ADAM18: variants seen among roughly 807,000 people sequenced by gnomAD.
ADAM18 encodes the protein disintegrin and metalloproteinase domain-containing protein 18.
Under a neutral mutation model 94.4 loss-of-function variants are expected in ADAM18, and 117 were observed. That is an observed-to-expected ratio of 1.24 (90% confidence interval 1.07 to 1.45). The LOEUF (loss-of-function observed/expected upper bound fraction) is 1.45, where lower values mean the gene tolerates loss of function less well. Ranked by LOEUF, ADAM18 falls within the 40% of genes most tolerant of loss-of-function variation. The probability of loss-of-function intolerance (pLI) is 0.00; values close to 1 mark genes in which losing one functional copy is unlikely to be tolerated. For synonymous variants in ADAM18, 327 were observed against 291.6 expected (o/e 1.12, Z -1.24); for missense variants, 936 against 880.0 (o/e 1.06, Z -0.81).
At chr8:39,711,315 A>G (rs1262200710) in intron 18 of ADAM18, among the ~76,000 whole-genome samples, 1 of 152,180 alleles carries the variant, frequency 6.6e-6, no homozygotes, top group Non-Finnish European at 1.5e-5. Flanking sequence ...TTTCCTTGTT[A>G]TGACAGTCAA....
chr8:39,725,416 TAC>T (rs992196937), intron 19 of ADAM18, among the ~76,000 whole-genome samples: 2 of 152,116 alleles, frequency 1.3e-5, no homozygotes, highest in African/African-American at 4.8e-5. Context: ...TAGCTATAGG[TAC>T]TGTGGTGTAT....
At chr8:39,653,039 GAT>G (rs1820579991) in intron 12 of ADAM18, among the ~76,000 whole-genome samples, 2 of 152,174 alleles carry the variant, frequency 1.3e-5, no homozygotes, top group Non-Finnish European at 2.9e-5. Context: ...AAACTGGGGT[GAT>G]GGTGGTCAAA....
In ADAM18 at chr8:39,609,102, T is replaced by G; in HGVS notation, c.249T>G (p.Ser83=). ...YTYNETGSLH[S]VSPYFMMHCH... Reference sequence around the variant, plus strand: ...ATAATGAAACTGGATCTTTGCATTCTGTGTCTCCATATTTTATGGTAAAGT... The same window carrying G: ...ATAATGAAACTGGATCTTTGCATTCGGTGTCTCCATATTTTATGGTAAAGT... The change falls in exon 4 of 20, where the codon TCT becomes TCG. Residue 83 remains serine, a synonymous_variant. Transcript: ENST00000265707. 1 of 1,589,118 alleles carries G rather than the reference T, an allele frequency of 6.3e-7. No homozygotes were observed. Among genetic ancestry groups the G allele is most frequent in the African/African-American group, 1.4e-5 (1 of 74,000 alleles).
At chr8:39,712,471 G>C (rs956960324) in intron 18 of ADAM18, among the ~76,000 whole-genome samples, 2 of 152,110 alleles carry the variant, frequency 1.3e-5, no homozygotes, top group African/African-American at 2.4e-5. Context: ...AGAAATAAAG[G>C]GTATTCAATT....
intron 12 of ADAM18, among the ~76,000 whole-genome samples, chr8:39,650,016 T>C (rs1227506642): frequency 1.3e-5 from 2 of 152,190 alleles, no homozygotes; most frequent in Non-Finnish European, 2.9e-5. Flanking sequence ...ACAGATACTA[T>C]ATGACAAGCA....
chr8:39,595,526 GGATTCACTCCAGGA>G (rs1261423562), intron 2 of ADAM18, among the ~76,000 whole-genome samples: 1 of 152,008 alleles, frequency 6.6e-6, no homozygotes, highest in Admixed American at 6.6e-5. Context: ...CACTCTGGCT[GGATTCACTCCAGGA>G]GATTCACTCT....
At chr8:39,654,005 T>G (rs538406578) in intron 12 of ADAM18, among the ~76,000 whole-genome samples, 11 of 151,684 alleles carry the variant, frequency 7.3e-5, no homozygotes, top group African/African-American at 2.7e-4. Context: ...TAACAACCAT[T>G]CTACTCTCTG....
intron 12 of ADAM18, among the ~76,000 whole-genome samples, chr8:39,653,164 A>G (rs1035837024): frequency 6.6e-6 from 1 of 152,168 alleles, no homozygotes; most frequent in South Asian, 2.1e-4. Context: ...TGTTTTTACC[A>G]CAAAATAATC....
chr8:39,722,625 T>A (rs887561546), intron 18 of ADAM18, among the ~76,000 whole-genome samples: 3 of 151,542 alleles, frequency 2.0e-5, no homozygotes, highest in Non-Finnish European at 4.4e-5. Context: ...ACTTCACCAC[T>A]GCACAATATA....
chr8:39,630,231 T>C (rs1458733156), intron 7 of ADAM18, among the ~76,000 whole-genome samples: 1 of 151,728 alleles, frequency 6.6e-6, no homozygotes, highest in East Asian at 1.9e-4. Flanking sequence ...TTTTTAAAAT[T>C]AGTACTATTA....
chr8:39,670,974 C>G lies in ADAM18; in HGVS notation c.1525+2778C>G, dbSNP rs1393997463. Reference sequence around the variant, plus strand: ...CAGGTTATTTATACCACACAGCTACCTATTAGTCTGTTCAAGAACTTGTTG... The same window carrying G: ...CAGGTTATTTATACCACACAGCTACGTATTAGTCTGTTCAAGAACTTGTTG... On this transcript the variant is annotated intron_variant, in intron 14 of 19. Transcript: ENST00000265707. Among the ~76,000 whole-genome samples, 4 of 152,232 alleles carry G rather than the reference C, an allele frequency of 2.6e-5. No homozygotes were observed. In the East Asian group the frequency reaches 7.7e-4, roughly 29 times the overall value.
At chr8:39,628,717 A>C (rs1444305531) in intron 6 of ADAM18, among the ~76,000 whole-genome samples, 1 of 152,052 alleles carries the variant, frequency 6.6e-6, no homozygotes, top group African/African-American at 2.4e-5. Context: ...GTTAGAAATA[A>C]AGCTCATGTA....
chr8:39,596,647 T>G (rs529853301), intron 2 of ADAM18, among the ~76,000 whole-genome samples: 6 of 152,218 alleles, frequency 3.9e-5, no homozygotes, highest in Non-Finnish European at 4.4e-5. Context: ...TCTGTATAGA[T>G]ATTTGTATGG....
chr8:39,725,777 A>G (rs1315239821), intron 19 of ADAM18, among the ~76,000 whole-genome samples: 1 of 152,186 alleles, frequency 6.6e-6, no homozygotes, highest in Non-Finnish European at 1.5e-5. Flanking sequence ...GGTTGTTACC[A>G]TATCATAGCT....
chr8:39,622,879 T>C (rs536151276), intron 6 of ADAM18, among the ~76,000 whole-genome samples: 1 of 152,270 alleles, frequency 6.6e-6, no homozygotes, highest in Admixed American at 6.5e-5. Flanking sequence ...TATTTATATA[T>C]ATATTTTTTC....
intron 15 of ADAM18, among the ~76,000 whole-genome samples, chr8:39,677,778 T>C (rs765881103): frequency 6.6e-6 from 1 of 152,138 alleles, no homozygotes; most frequent in Non-Finnish European, 1.5e-5. Flanking sequence ...GGACACACAC[T>C]GCCAGAAATC....
At chr8:39,593,360 C>G (rs972911438) in intron 2 of ADAM18, among the ~76,000 whole-genome samples, 1 of 152,096 alleles carries the variant, frequency 6.6e-6, no homozygotes, top group Admixed American at 6.6e-5. Flanking sequence ...AATCAAAATT[C>G]CAATGGCATT....
chr8:39,712,513 G>A (rs1822442541), intron 18 of ADAM18, among the ~76,000 whole-genome samples: 1 of 152,100 alleles, frequency 6.6e-6, no homozygotes, highest in Admixed American at 6.6e-5. Flanking sequence ...GTCCCTGTTT[G>A]CAGATGACAT....
At chr8:39,678,762 T>C (rs902389222) in intron 15 of ADAM18, among the ~76,000 whole-genome samples, 2 of 152,216 alleles carry the variant, frequency 1.3e-5, no homozygotes, top group African/African-American at 2.4e-5. Context: ...CATGACTCCA[T>C]TGGACTTTGT....
Sources: gnomAD v4.1 joint callset for allele counts (sites outside exome capture counted in the v4.1 genomes callset) on GRCh38, gnomAD v4.1.1 for gene constraint, MANE v1.5 for transcripts, NCBI Gene and HGNC (gene_info 2026-07-23, HGNC 2026-07-21) for gene names.